CIMIP7: variants seen among roughly 807,000 people sequenced by gnomAD.
CIMIP7 encodes ciliary microtubule inner protein 7.
At chr3:49,189,795 TAC>T in the CIMIP7 span, 1 of 684,692 alleles carries the variant, frequency 1.5e-6, no homozygotes, top group South Asian at 1.4e-5. Context: ...GCTAGGCCCT[TAC>T]CCTTTGTCCA....
At chr3:49,180,669 G>A in the CIMIP7 span, among the ~76,000 whole-genome samples, 2 of 152,150 alleles carry the variant, frequency 1.3e-5, no homozygotes, top group Non-Finnish European at 2.9e-5. Flanking sequence ...GGTGGCTCAC[G>A]CCTGTAATCC....
chr3:49,182,892 G>A, the CIMIP7 span, among the ~76,000 whole-genome samples: 3 of 152,112 alleles, frequency 2.0e-5, no homozygotes, highest in Admixed American at 6.6e-5. Flanking sequence ...TGCCCGGGGC[G>A]GGGGGGCCAG....
chr3:49,191,638 G>T, the CIMIP7 span: 1 of 1,290,494 alleles, frequency 7.7e-7, no homozygotes, highest in Non-Finnish European at 1.1e-6. Flanking sequence ...TCCTATTCCA[G>T]GTTGGATGCC....
chr3:49,182,655 C>T, the CIMIP7 span, among the ~76,000 whole-genome samples: 12 of 152,220 alleles, frequency 7.9e-5, no homozygotes, highest in East Asian at 9.6e-4. Context: ...AGTCCCGCGC[C>T]GTGTGCCCAC....
chr3:49,185,054 G>T, the CIMIP7 span, among the ~76,000 whole-genome samples: 7 of 151,864 alleles, frequency 4.6e-5, no homozygotes, highest in Non-Finnish European at 7.4e-5. Flanking sequence ...CTGAGGTCGG[G>T]AGTTCAAGAC....
At chr3:49,189,939 T>C in the CIMIP7 span, 10 of 962,836 alleles carry the variant, frequency 1.0e-5, no homozygotes, top group African/African-American at 1.6e-5. Flanking sequence ...AGTACAGCCA[T>C]GGAAGGGCTG....
the CIMIP7 span, among the ~76,000 whole-genome samples, chr3:49,190,752 T>G: frequency 3.4e-5 from 5 of 144,962 alleles, no homozygotes; most frequent in Non-Finnish European, 7.5e-5. Context: ...CACTGCAACC[T>G]CTGCCTCCCG....
chr3:49,178,329 A>C, the CIMIP7 span, among the ~76,000 whole-genome samples: 1 of 152,194 alleles, frequency 6.6e-6, no homozygotes, highest in Non-Finnish European at 1.5e-5. Context: ...GCTGTTTCCC[A>C]GAGGAGAAAG....
chr3:49,185,230 C>T, the CIMIP7 span, among the ~76,000 whole-genome samples: 1 of 149,342 alleles, frequency 6.7e-6, no homozygotes. Context: ...CACTGCACTC[C>T]AGCCTAGGTG....
At chr3:49,180,304 G>A in the CIMIP7 span, among the ~76,000 whole-genome samples, 3 of 152,026 alleles carry the variant, frequency 2.0e-5, no homozygotes, top group African/African-American at 7.2e-5. Context: ...CTGGCCCCAG[G>A]GCATTTACTT....
chr3:49,180,577 G>A, the CIMIP7 span, among the ~76,000 whole-genome samples: 3 of 152,156 alleles, frequency 2.0e-5, no homozygotes, highest in African/African-American at 7.2e-5. Flanking sequence ...AAATACAGGG[G>A]CTGGCTCCAT....
chr3:49,188,896 C>T, the CIMIP7 span, among the ~76,000 whole-genome samples: 1 of 152,028 alleles, frequency 6.6e-6, no homozygotes, highest in Non-Finnish European at 1.5e-5. Context: ...CTCCCAGGTT[C>T]AAGCGATTCT....
At chr3:49,179,286 T>G in the CIMIP7 span, among the ~76,000 whole-genome samples, 8 of 152,198 alleles carry the variant, frequency 5.3e-5, no homozygotes, top group Middle Eastern at 3.2e-3. Context: ...CACATTACTC[T>G]CTTGCCTGAA....
the CIMIP7 span, chr3:49,191,790 G>C: frequency 1.3e-6 from 2 of 1,548,248 alleles, no homozygotes; most frequent in African/African-American, 2.7e-5. Context: ...GAAGGGAGCA[G>C]AAAAGGCAAA....
chr3:49,186,179 A>G, the CIMIP7 span, among the ~76,000 whole-genome samples: 5 of 144,682 alleles, frequency 3.5e-5, no homozygotes, highest in African/African-American at 1.3e-4. Context: ...TTGTATTTTT[A>G]GTAGAGACAG....
chr3:49,188,581 C>A, the CIMIP7 span, among the ~76,000 whole-genome samples: 1 of 152,104 alleles, frequency 6.6e-6, no homozygotes, highest in African/African-American at 2.4e-5. Context: ...CAGGGTGACC[C>A]TTTTCATACC....
the CIMIP7 span, among the ~76,000 whole-genome samples, chr3:49,183,012 C>T: frequency 2.5e-4 from 38 of 152,252 alleles, no homozygotes; most frequent in African/African-American, 7.2e-4. Context: ...CATACCTCCC[C>T]GCGAGCTGAG....
At chr3:49,177,964 C>T in the CIMIP7 span, 2 of 1,613,562 alleles carry the variant, frequency 1.2e-6, no homozygotes, top group Non-Finnish European at 1.7e-6. Flanking sequence ...CTCTATCTCA[C>T]AGGGTGCCCA....
chr3:49,188,737 G>A, the CIMIP7 span, among the ~76,000 whole-genome samples: 6 of 152,152 alleles, frequency 3.9e-5, no homozygotes, highest in Middle Eastern at 3.4e-3. Flanking sequence ...ATACCCTTCC[G>A]AGTTCTGCTG....
Sources: allele counts gnomAD v4.1 joint callset (sites outside exome capture counted in the v4.1 genomes callset), GRCh38; gene constraint gnomAD v4.1.1; transcripts MANE v1.5; gene names NCBI Gene and HGNC (gene_info 2026-07-23, HGNC 2026-07-21).